Variants in PRKN observed in about 807,000 individuals in gnomAD.
The protein encoded by PRKN is parkin RBR E3 ubiquitin protein ligase.
PRKN carries 56 observed loss-of-function variants against 59.5 expected under a neutral mutation model. The ratio of observed to expected loss-of-function variants is 0.94; its 90% CI spans 0.76 to 1.18. The LOEUF (loss-of-function observed/expected upper bound fraction) is 1.18, where lower values mean the gene tolerates loss of function less well. PRKN is among the 50% of genes most tolerant of loss of function. The probability of loss-of-function intolerance (pLI) is 0.00; values close to 1 mark genes in which losing one functional copy is unlikely to be tolerated. For missense variants in PRKN, 657 were observed against 596.4 expected (o/e 1.10, Z -1.06); for synonymous variants, 250 against 222.1 (o/e 1.13, Z -1.12).
chr6:162,249,113 C>G (rs1779322233), intron 3 of PRKN, among the ~76,000 whole-genome samples: 1 of 152,080 alleles, frequency 6.6e-6, no homozygotes, highest in African/African-American at 2.4e-5. Flanking sequence ...CTCTTGACCT[C>G]GTGATCAGCC....
At chr6:162,159,717 A>G (rs1782675693) in intron 4 of PRKN, among the ~76,000 whole-genome samples, 1 of 152,250 alleles carries the variant, frequency 6.6e-6, no homozygotes, top group Non-Finnish European at 1.5e-5. Flanking sequence ...ATTATAAGTT[A>G]CAGTCATCAA....
chr6:161,897,286 A>G (rs1777663546), intron 6 of PRKN, among the ~76,000 whole-genome samples: 4 of 152,172 alleles, frequency 2.6e-5, no homozygotes, highest in African/African-American at 9.6e-5. Context: ...ATCACATGCT[A>G]TGAGAGCAGC....
intron 1 of PRKN, among the ~76,000 whole-genome samples, chr6:162,509,100 T>C (rs1181443780): frequency 1.3e-5 from 2 of 152,210 alleles, no homozygotes; most frequent in Non-Finnish European, 2.9e-5. Flanking sequence ...GATATCATTG[T>C]TGTGGCCAAT....
chr6:161,793,448 G>A (rs150912667), intron 6 of PRKN, among the ~76,000 whole-genome samples: 328 of 151,946 alleles, frequency 2.2e-3, no homozygotes, highest in Non-Finnish European at 4.2e-3. Context: ...CATATACAAC[G>A]TAGCCAAGGT....
At chr6:162,050,439 T>G (rs1777584117) in intron 5 of PRKN, among the ~76,000 whole-genome samples, 2 of 150,640 alleles carry the variant, frequency 1.3e-5, no homozygotes, top group African/African-American at 4.9e-5. Context: ...GTGCACTACT[T>G]AAGTTGTCCC....
At chr6:161,709,597 T>C (rs894194345) in intron 7 of PRKN, among the ~76,000 whole-genome samples, 4 of 152,186 alleles carry the variant, frequency 2.6e-5, no homozygotes, top group Non-Finnish European at 4.4e-5. Flanking sequence ...CAACTGGGTA[T>C]GTATTTAGTT....
At chr6:162,574,677 G>T (rs1295472646) in intron 1 of PRKN, among the ~76,000 whole-genome samples, 2 of 107,032 alleles carry the variant, frequency 1.9e-5, no homozygotes, top group Non-Finnish European at 3.9e-5. Context: ...TCATAAGATT[G>T]CTATCCCCCA....
intron 1 of PRKN, among the ~76,000 whole-genome samples, chr6:162,466,537 A>G (rs1185659640): frequency 1.3e-5 from 2 of 151,984 alleles, no homozygotes; most frequent in Non-Finnish European, 2.9e-5. Context: ...TAAGCAGGAC[A>G]ATAGGCATGT....
chr6:162,136,329 GA>G (rs1347356906), intron 4 of PRKN, among the ~76,000 whole-genome samples: 4 of 152,074 alleles, frequency 2.6e-5, no homozygotes, highest in Admixed American at 6.6e-5. Flanking sequence ...TCAGCTGTTT[GA>G]ATATAACTTA....
chr6:161,965,868 G>A (rs1472034056), intron 6 of PRKN, among the ~76,000 whole-genome samples: 1 of 152,018 alleles, frequency 6.6e-6, no homozygotes, highest in African/African-American at 2.4e-5. Flanking sequence ...AGGTTCTTCT[G>A]AGGTCTTATA....
At chr6:162,106,259 TGG>T (rs1780189417) in intron 4 of PRKN, among the ~76,000 whole-genome samples, 1 of 152,014 alleles carries the variant, frequency 6.6e-6, no homozygotes, top group Non-Finnish European at 1.5e-5. Context: ...GTTTTCAAGG[TGG>T]GGGGTGAATG....
At chr6:161,958,100 G>A (rs553684532) in intron 6 of PRKN, among the ~76,000 whole-genome samples, 1 of 152,332 alleles carries the variant, frequency 6.6e-6, no homozygotes, top group African/African-American at 2.4e-5. Context: ...GAAGCTTACT[G>A]AATTGCATTA....
At chr6:162,175,201 G>A (rs1285048206) in intron 4 of PRKN, among the ~76,000 whole-genome samples, 1 of 152,166 alleles carries the variant, frequency 6.6e-6, no homozygotes, top group Non-Finnish European at 1.5e-5. Flanking sequence ...CTCCCTCCAG[G>A]CAAGCTGTCC....
At chr6:162,403,769 A>T (rs569485328) in intron 2 of PRKN, among the ~76,000 whole-genome samples, 1 of 152,266 alleles carries the variant, frequency 6.6e-6, no homozygotes, top group Non-Finnish European at 1.5e-5. Flanking sequence ...GGAGTGACAC[A>T]AGTCGTTGTA....
chr6:161,858,923 G>A (rs942663773), intron 6 of PRKN, among the ~76,000 whole-genome samples: 6 of 135,750 alleles, frequency 4.4e-5, no homozygotes, highest in Middle Eastern at 3.9e-3. Context: ...GCACAGTGGC[G>A]TGATCTTGGC....
intron 1 of PRKN, among the ~76,000 whole-genome samples, chr6:162,618,358 G>A (rs934215712): frequency 3.9e-5 from 6 of 152,050 alleles, no homozygotes; most frequent in Non-Finnish European, 8.8e-5. Context: ...GCGCTACTTG[G>A]TAACTATGCT....
chr6:162,355,485 T>C (rs1021049026), intron 2 of PRKN, among the ~76,000 whole-genome samples: 2 of 151,370 alleles, frequency 1.3e-5, no homozygotes, highest in Non-Finnish European at 2.9e-5. Context: ...CTGGGAGGAG[T>C]CAGGAAATAC....
intron 6 of PRKN, among the ~76,000 whole-genome samples, chr6:161,936,786 ATAT>A (rs1272278226): frequency 6.3e-5 from 8 of 127,136 alleles, no homozygotes; most frequent in African/African-American, 2.3e-4. Flanking sequence ...TTTTTGTTTC[ATAT>A]TTTTTTTTTT....
chr6:162,551,006 C>T (rs1779312151), intron 1 of PRKN, among the ~76,000 whole-genome samples: 3 of 152,146 alleles, frequency 2.0e-5, no homozygotes, highest in Admixed American at 6.5e-5. Flanking sequence ...TATGACTAAG[C>T]ATAACAGCAA....
Sources: gnomAD v4.1 joint callset for allele counts (sites outside exome capture counted in the v4.1 genomes callset) on GRCh38, gnomAD v4.1.1 for gene constraint, MANE v1.5 for transcripts, NCBI Gene and HGNC (gene_info 2026-07-23, HGNC 2026-07-21) for gene names.